Variants in PER3 observed in about 807,000 individuals in gnomAD.
PER3 encodes period circadian regulator 3.
A neutral mutation model predicts 127.2 loss-of-function variants in PER3; 107 were observed. The observed-to-expected ratio is 0.84, with a 90% CI of 0.72 to 0.99. The LOEUF is 0.99. Ranked by LOEUF, PER3 falls within the 50% of genes least tolerant of loss-of-function variation. The probability of loss-of-function intolerance (pLI) is 0.00; values close to 1 mark genes in which losing one functional copy is unlikely to be tolerated. For synonymous variants in PER3, 618 were observed against 585.8 expected, an observed-to-expected ratio of 1.05 and a Z score of -0.79; for missense variants, 1,560 against 1,525.8, an observed-to-expected ratio of 1.02 and a Z score of -0.37.
At position 7,793,883 on chromosome 1, in the gene PER3, T is replaced by C. The variant is rs966699553; in HGVS notation, c.593-74T>C. The C allele has an allele frequency of 7.4e-6, 9 of 1,224,414 alleles. No homozygotes were observed. In the South Asian group the frequency reaches 8.6e-5, roughly 12 times the overall value. 75.8% of individuals were successfully genotyped at this position (1,224,414 alleles called of 1,614,324 possible). ...TTTTAAAAAATAGTTTGTTGTTTGA[T>C]AATGGTGCAACATTGTTTCACTGAG... On this transcript the variant is annotated intron_variant, in intron 5 of 21. Coordinates refer to ENST00000377532, the MANE Select transcript of PER3 (RefSeq NM_001377275.1).
intron 2 of PER3, 48 bp downstream of exon 2, chr1:7,785,053 C>T (rs752316994): frequency 2.6e-6 from 4 of 1,553,678 alleles, no homozygotes; most frequent in Admixed American, 4.6e-5. Context: ...CGTTGTCCTT[C>T]CCTGGAGCAG....
intron 10 of PER3, 42 bp downstream of exon 10, chr1:7,803,890 A>G (rs765214745): frequency 4.7e-6 from 7 of 1,494,780 alleles, no homozygotes; most frequent in Non-Finnish European, 6.5e-6. Context: ...CATCTCTTGT[A>G]TCAAATAATA....
At chr1:7,788,891 T>C (rs1302205808) in intron 5 of PER3, among the ~76,000 whole-genome samples, 1 of 133,542 alleles carries the variant, frequency 7.5e-6, no homozygotes, top group South Asian at 2.7e-4. Context: ...GCGACAAGCG[T>C]GAAACTGTTT....
chr1:7,803,261 T>C (rs975722429), intron 9 of PER3, 108 bp downstream of exon 9: 7 of 749,532 alleles, frequency 9.3e-6, no homozygotes, highest in African/African-American at 1.7e-5. Context: ...AGGCATTACA[T>C]TGAAGCTGCT....
intron 16 of PER3, among the ~76,000 whole-genome samples, chr1:7,825,902 A>C (rs1246360660): frequency 6.6e-6 from 1 of 151,722 alleles, no homozygotes; most frequent in East Asian, 1.9e-4. Flanking sequence ...AAAAAAAAAA[A>C]AAATGAACAA....
At chr1:7,828,089 G>C (rs1159754258) in intron 18 of PER3, among the ~76,000 whole-genome samples, 1 of 152,128 alleles carries the variant, frequency 6.6e-6, no homozygotes, top group African/African-American at 2.4e-5. Context: ...ATGTGAACTG[G>C]ATTCCCTCTA....
intron 5 of PER3, among the ~76,000 whole-genome samples, chr1:7,791,157 C>T (rs2097118394): frequency 1.3e-5 from 2 of 152,236 alleles, no homozygotes; most frequent in Admixed American, 6.5e-5. Context: ...ATTTCCCTTA[C>T]ACATCTCTCT....
At chr1:7,789,078 T>G (rs199710443) in intron 5 of PER3, among the ~76,000 whole-genome samples, 1 of 151,872 alleles carries the variant, frequency 6.6e-6, no homozygotes, top group South Asian at 2.1e-4. Context: ...CTTAATTTAT[T>G]TCTTTTTAGT....
At chr1:7,833,551 C>A (rs2097343018) in intron 19 of PER3, among the ~76,000 whole-genome samples, 1 of 152,140 alleles carries the variant, frequency 6.6e-6, no homozygotes, top group Admixed American at 6.6e-5. Flanking sequence ...TCAGTGTATC[C>A]AGTCCAGCTT....
Position 7,788,261 on chromosome 1 carries a change from G to GAATAGGGC in PER3, c.592+15_592+16insAATAGGGC. On this transcript the variant is annotated intron_variant, in intron 5 of 21. Transcript: ENST00000377532. ...GACCCAAAGAGGTAACAGGACCAAT[G>GAATAGGGC]TTCAGATGTCTATCTTTCCTCATCA... 5 of 1,551,454 alleles carry GAATAGGGC rather than the reference G, an allele frequency of 3.2e-6. No homozygotes were observed. The highest frequency in any genetic ancestry group is 4.5e-6 in the Non-Finnish European group (5 of 1,122,858).
At chr1:7,790,085 T>C (rs1232243880) in intron 5 of PER3, among the ~76,000 whole-genome samples, 1 of 152,228 alleles carries the variant, frequency 6.6e-6, no homozygotes. Flanking sequence ...TCCCATTTTT[T>C]CCCCAGGTAT....
At chr1:7,842,553 A>G (rs923302620) in intron 21 of PER3, 119 bp from the exon 22 acceptor site, 2 of 1,053,788 alleles carry the variant, frequency 1.9e-6, no homozygotes, top group African/African-American at 1.6e-5. Context: ...CTATAATGAA[A>G]TATTTTCAGA....
At chr1:7,796,615 C>T (rs1376657293) in intron 6 of PER3, among the ~76,000 whole-genome samples, 2 of 151,966 alleles carry the variant, frequency 1.3e-5, no homozygotes, top group South Asian at 2.1e-4. Context: ...ATGCCTGGCC[C>T]GGAAACAGTT....
intron 10 of PER3, among the ~76,000 whole-genome samples, chr1:7,804,924 A>G (rs1444178216): frequency 1.3e-5 from 2 of 150,808 alleles, no homozygotes; most frequent in Non-Finnish European, 1.5e-5. Flanking sequence ...GCTGGAGTAC[A>G]GTGGCCTGAT....
chr1:7,817,866 C>T (rs1455210635), intron 13 of PER3, among the ~76,000 whole-genome samples: 1 of 152,056 alleles, frequency 6.6e-6, no homozygotes, highest in East Asian at 1.9e-4. Context: ...AAGTATTCCT[C>T]CAAAACATAT....
chr1:7,814,325 A>G (rs1031036535), intron 13 of PER3, among the ~76,000 whole-genome samples: 6 of 152,260 alleles, frequency 3.9e-5, no homozygotes, highest in African/African-American at 1.4e-4. Flanking sequence ...CTGATGGAAA[A>G]AAGAAAATCT....
chr1:7,819,124 T>C (rs1330730612), intron 13 of PER3, among the ~76,000 whole-genome samples, 161 bp from the exon 14 acceptor site: 9 of 152,230 alleles, frequency 5.9e-5, no homozygotes, highest in Non-Finnish European at 1.0e-4. Context: ...TGGATATCTT[T>C]CTATTAGTGC....
At chr1:7,803,215 C>A in intron 9 of PER3, 62 bp downstream of exon 9, 2 of 1,024,820 alleles carry the variant, frequency 2.0e-6, no homozygotes, top group South Asian at 1.3e-5. Context: ...TCTAATTTTT[C>A]TTTTCATCTC....
rs199775394 is a variant in PER3, at chr1:7,827,758, C to T, written c.2829C>T (p.Pro943=). 46 of 1,614,032 alleles carry T rather than the reference C, an allele frequency of 2.9e-5. No homozygotes were observed. The African/African-American group carries it at 5.2e-4, about 18-fold the overall frequency. The change falls in exon 18 of 22, where the codon CCC becomes CCT. Residue 943 remains proline (P), a synonymous_variant. Transcript: ENST00000377532. ...TAAACTTACTTCAGGAAGAGATGCC[C>T]AGACCCTCTGAATCTCCAGATCAGA... ...LQLNLLQEEM[P]RPSESPDQMR...
Sources: allele counts gnomAD v4.1 joint callset (sites outside exome capture counted in the v4.1 genomes callset), GRCh38; gene constraint gnomAD v4.1.1; transcripts MANE v1.5; gene names NCBI Gene and HGNC (gene_info 2026-07-23, HGNC 2026-07-21).